ATP10B: variants seen among roughly 807,000 people sequenced by gnomAD.
The protein encoded by ATP10B is ATPase phospholipid transporting 10B (putative), also known as phospholipid-transporting ATPase VB.
Under a neutral mutation model 141.2 loss-of-function variants are expected in ATP10B, and 122 were observed. The ratio of observed to expected loss-of-function variants is 0.86; its 90% confidence interval spans 0.75 to 1.00. The LOEUF is 1.00. Among genes scored for constraint, ATP10B ranks in the 50% least tolerant of loss-of-function variants. ATP10B has a pLI of 0.00. For missense variants in ATP10B, 1,876 were observed against 1,825.3 expected (o/e 1.03, Z -0.51); for synonymous variants, 685 against 692.0 (o/e 0.99, Z 0.16).
chr5:160,686,162 G>T lies in ATP10B; in HGVS notation c.387C>A (p.Ile129=). The T allele has an allele frequency of 6.2e-7, 1 of 1,613,320 alleles. No individual in the cohort carries two copies. Among genetic ancestry groups the T allele is most frequent in the Non-Finnish European group, 8.5e-7 (1 of 1,179,458 alleles). Reference sequence around the variant, plus strand: ...AGTCCTCCATGCCATCCTTGATCATGATGACGAACAGGACAATGGCCAATG... The same window carrying T: ...AGTCCTCCATGCCATCCTTGATCATTATGACGAACAGGACAATGGCCAATG... ...MLPLAIVLFV[I]MIKDGMEDFK... The change falls in exon 6 of 26, where the codon ATC becomes ATA. Residue 129 remains isoleucine, a synonymous_variant. Coordinates refer to ENST00000327245, the MANE Select transcript of ATP10B (RefSeq NM_025153.3).
intron 6 of ATP10B, chr5:160,685,034 G>A: frequency 1.4e-6 from 1 of 703,592 alleles, no homozygotes; most frequent in Non-Finnish European, 2.6e-6. Flanking sequence ...GCAAACCGGT[G>A]TAGCTGCTCA....
intron 25 of ATP10B, among the ~76,000 whole-genome samples, chr5:160,567,741 A>G (rs987114155): frequency 4.6e-5 from 7 of 152,038 alleles, no homozygotes; most frequent in Non-Finnish European, 1.0e-4. Flanking sequence ...GCAGGGAGGA[A>G]TTGGGGGCCA....
At chr5:160,819,205 A>G (rs532277601) in intron 1 of ATP10B, among the ~76,000 whole-genome samples, 1 of 152,250 alleles carries the variant, frequency 6.6e-6, no homozygotes, top group East Asian at 1.9e-4. Context: ...ATCACATACA[A>G]TGGAGCCCCA....
intron 8 of ATP10B, among the ~76,000 whole-genome samples, chr5:160,645,656 A>G (rs1313912334): frequency 5.3e-5 from 8 of 152,162 alleles, no homozygotes; most frequent in Non-Finnish European, 1.0e-4. Context: ...TCTGGCCTTT[A>G]CTCTATCCTG....
chr5:160,892,311 C>T, the ATP10B span, among the ~76,000 whole-genome samples: 1 of 152,220 alleles, frequency 6.6e-6, no homozygotes, highest in Admixed American at 6.5e-5. Flanking sequence ...ACTTGCTGTT[C>T]TGGTGACCTC....
intron 6 of ATP10B, among the ~76,000 whole-genome samples, chr5:160,682,899 C>T (rs370321879): frequency 6.6e-6 from 1 of 151,602 alleles, no homozygotes; most frequent in East Asian, 1.9e-4. Flanking sequence ...ATTAGCCAGG[C>T]GTGATGGCGG....
chr5:160,919,805 G>A, the ATP10B span, among the ~76,000 whole-genome samples: 7 of 152,112 alleles, frequency 4.6e-5, no homozygotes, highest in African/African-American at 1.4e-4. Context: ...CGCTAACGAC[G>A]GCGCCTTCCT....
At chr5:160,921,266 A>C in the ATP10B span, among the ~76,000 whole-genome samples, 17 of 146,616 alleles carry the variant, frequency 1.2e-4, no homozygotes, top group South Asian at 3.6e-3. Flanking sequence ...CTTTCTATTC[A>C]GCACTTTGTT....
the ATP10B span, among the ~76,000 whole-genome samples, chr5:160,858,951 C>A: frequency 1.3e-5 from 2 of 151,724 alleles, no homozygotes; most frequent in Non-Finnish European, 2.9e-5. Context: ...AATAGTGAAA[C>A]ATAATTTAGA....
chr5:160,848,730 G>C (rs1219821186), intron 1 of ATP10B, among the ~76,000 whole-genome samples: 1 of 152,204 alleles, frequency 6.6e-6, no homozygotes, highest in Non-Finnish European at 1.5e-5. Flanking sequence ...AATGGGTAGA[G>C]AGGTATTAAA....
chr5:160,737,927 A>G (rs1478963602), intron 2 of ATP10B, among the ~76,000 whole-genome samples: 1 of 152,166 alleles, frequency 6.6e-6, no homozygotes, highest in African/African-American at 2.4e-5. Context: ...GTAAAGATGT[A>G]GAAGATTTGA....
intron 2 of ATP10B, among the ~76,000 whole-genome samples, chr5:160,772,844 T>A (rs147741206): frequency 1.4e-4 from 22 of 152,322 alleles, no homozygotes; most frequent in African/African-American, 5.3e-4. Flanking sequence ...CCCAGATATC[T>A]CTGGGTTTGC....
At chr5:160,819,515 A>G (rs560415325) in intron 1 of ATP10B, among the ~76,000 whole-genome samples, 3 of 152,326 alleles carry the variant, frequency 2.0e-5, no homozygotes, top group East Asian at 1.9e-4. Flanking sequence ...TGGTAAGTAC[A>G]CAGAAAAACA....
chr5:160,671,150 G>A (rs1157115837), intron 6 of ATP10B, among the ~76,000 whole-genome samples: 25 of 94,896 alleles, frequency 2.6e-4, no homozygotes, highest in African/African-American at 1.1e-3. Context: ...GGGTGACAAA[G>A]CAAGACTCTG....
chr5:160,572,489 G>T (rs1248534230), intron 24 of ATP10B, among the ~76,000 whole-genome samples: 1 of 152,050 alleles, frequency 6.6e-6, no homozygotes, highest in Non-Finnish European at 1.5e-5. Flanking sequence ...ACTATTGAGG[G>T]TACCTAGTCT....
chr5:160,845,576 T>C (rs1776069369), intron 1 of ATP10B, among the ~76,000 whole-genome samples: 1 of 152,104 alleles, frequency 6.6e-6, no homozygotes, highest in Admixed American at 6.6e-5. Context: ...GTGTCATAAA[T>C]GAACAAAAAG....
chr5:160,859,503 C>T, the ATP10B span, among the ~76,000 whole-genome samples: 7 of 151,662 alleles, frequency 4.6e-5, no homozygotes, highest in Non-Finnish European at 1.0e-4. Flanking sequence ...CAGGCCCCCT[C>T]CCCATAATCC....
At position 160,765,127 on chromosome 5, in the gene ATP10B, T is replaced by C. The variant is rs1164983290; in HGVS notation, c.-331+20432A>G. On this transcript the variant is annotated intron_variant, in intron 2 of 25. Coordinates refer to ENST00000327245, the MANE Select transcript of ATP10B (RefSeq NM_025153.3). ...ATTCATGAATGGGTAGAATCAATAT[T>C]GTGAAAATGACCATCCTGCCAAAAG... is the stretch of plus-strand genomic sequence containing the variant. Among the ~76,000 whole-genome samples, 4 of 152,136 alleles carry C rather than the reference T, an allele frequency of 2.6e-5. No individual in the cohort carries two copies. The East Asian group carries it at 7.7e-4, about 29-fold the overall frequency.
chr5:160,895,260 A>G, the ATP10B span, among the ~76,000 whole-genome samples: 2 of 152,280 alleles, frequency 1.3e-5, no homozygotes, highest in East Asian at 3.9e-4. Context: ...CAGACTGACA[A>G]ATTGGATAAA....
Sources: gnomAD v4.1 joint callset for allele counts (sites outside exome capture counted in the v4.1 genomes callset) on GRCh38, gnomAD v4.1.1 for gene constraint, MANE v1.5 for transcripts, NCBI Gene and HGNC (gene_info 2026-07-23, HGNC 2026-07-21) for gene names.